Variants in WDR11 observed in about 807,000 individuals in gnomAD.
WDR11 encodes the protein WD repeat domain 11, also known as WD repeat-containing protein 11.
Under a neutral mutation model 151.2 loss-of-function variants are expected in WDR11, and 83 were observed. The observed-to-expected ratio is 0.55, with a 90% confidence interval of 0.46 to 0.66. The LOEUF (loss-of-function observed/expected upper bound fraction) is 0.66. Among genes scored for constraint, WDR11 ranks in the 30% least tolerant of loss-of-function variants. The pLI is 0.00. For synonymous variants in WDR11, 484 were observed against 533.1 expected (o/e 0.91, Z 1.27); for missense variants, 1,301 against 1,480.9 (o/e 0.88, Z 1.99).
intron 1 of WDR11, chr10:120,851,957 C>T (rs1845791237): frequency 4.2e-6 from 1 of 237,122 alleles, no homozygotes; most frequent in Non-Finnish European, 8.4e-6. Flanking sequence ...TCCTTTTCAC[C>T]TCTTTTCGGG....
chr10:120,900,159 T>G (rs1475645573), intron 20 of WDR11, 22 bp downstream of exon 20: 3 of 1,591,088 alleles, frequency 1.9e-6, no homozygotes, highest in Non-Finnish European at 2.6e-6. Flanking sequence ...ACTTTTCTTT[T>G]TCTTTCATAA....
chr10:120,902,536 A>G (rs1004223496), intron 22 of WDR11, among the ~76,000 whole-genome samples: 1 of 152,162 alleles, frequency 6.6e-6, no homozygotes, highest in Non-Finnish European at 1.5e-5. Flanking sequence ...TCTGGAAAGC[A>G]CTTCCTCCTA....
intron 5 of WDR11, among the ~76,000 whole-genome samples, chr10:120,863,669 A>C (rs1190282999): frequency 6.6e-6 from 1 of 151,408 alleles, no homozygotes; most frequent in Non-Finnish European, 1.5e-5. Context: ...TTGCTTTGGC[A>C]GGCTTTTTTG....
At position 120,900,090 on chromosome 10, in the gene WDR11, A is replaced by G. The variant is rs745379310; in HGVS notation, c.2577A>G (p.Leu859=). 4.3e-6 allele frequency: 7 copies of G among 1,613,988 alleles called. No individual in the cohort carries two copies. The highest frequency in any genetic ancestry group is 1.7e-4 in the Middle Eastern group (1 of 6,060). The change falls in exon 20 of 29, where the codon TTA becomes TTG. Residue 859 remains leucine (L), a synonymous_variant. Transcript: ENST00000263461. ...PRASLALKAF[L]LHQPWNGQYS... Reference sequence around the variant, plus strand: ...CCTCTCTTGCCTTGAAAGCCTTCTTATTACACCAGCCTTGGAATGGACAGT... The same window carrying G: ...CCTCTCTTGCCTTGAAAGCCTTCTTGTTACACCAGCCTTGGAATGGACAGT...
At chr10:120,905,763 C>G in intron 26 of WDR11, 113 bp from the exon 27 acceptor site, 1 of 1,586,116 alleles carries the variant, frequency 6.3e-7, no homozygotes, top group Non-Finnish European at 8.6e-7. Context: ...GTGTGCTAGT[C>G]AAGCAGAGCA....
chr10:120,864,874 A>C (rs1334646543), intron 5 of WDR11, among the ~76,000 whole-genome samples, 173 bp from the exon 6 acceptor site: 2 of 152,150 alleles, frequency 1.3e-5, no homozygotes, highest in African/African-American at 4.8e-5. Flanking sequence ...TAGCATTTGG[A>C]TTTTGGTACA....
chr10:120,898,412 G>C (rs1847690224), intron 19 of WDR11, among the ~76,000 whole-genome samples: 1 of 152,170 alleles, frequency 6.6e-6, no homozygotes, highest in Non-Finnish European at 1.5e-5. Context: ...CACTTTTTAA[G>C]TTTAAATTAG....
intron 9 of WDR11, 128 bp downstream of exon 9, chr10:120,867,297 C>G: frequency 1.4e-6 from 1 of 734,048 alleles, no homozygotes; most frequent in Middle Eastern, 3.2e-4. Context: ...AACATGGAAT[C>G]ATTCTTTCCT....
At chr10:120,903,468 C>A (rs1037050953) in intron 23 of WDR11, among the ~76,000 whole-genome samples, 2 of 151,084 alleles carry the variant, frequency 1.3e-5, no homozygotes, top group African/African-American at 4.9e-5. Flanking sequence ...TGAGATCACG[C>A]CACTGCATTC....
At chr10:120,882,835 T>C (rs1025258632) in intron 13 of WDR11, among the ~76,000 whole-genome samples, 1 of 152,116 alleles carries the variant, frequency 6.6e-6, no homozygotes. Flanking sequence ...GTCATGCTTA[T>C]CTTTTGTTCT....
chr10:120,883,752 G>A (rs781292396), intron 13 of WDR11, 28 bp from the exon 14 acceptor site: 1 of 1,607,392 alleles, frequency 6.2e-7, no homozygotes, highest in Admixed American at 1.7e-5. Context: ...GCAAAAAGGG[G>A]CTTATTTAGT....
At chr10:120,896,505 A>G (rs1847620015) in intron 19 of WDR11, among the ~76,000 whole-genome samples, 1 of 152,228 alleles carries the variant, frequency 6.6e-6, no homozygotes, top group Admixed American at 6.5e-5. Flanking sequence ...CAAACTGTGT[A>G]ACAACAATAT....
intron 23 of WDR11, among the ~76,000 whole-genome samples, chr10:120,903,592 C>T (rs1244109035): frequency 1.3e-5 from 2 of 151,466 alleles, no homozygotes; most frequent in Non-Finnish European, 2.9e-5. Context: ...TTGAAAAGCT[C>T]ATAGACAGTT....
chr10:120,908,468 G>T, intron 28 of WDR11, 88 bp from the exon 29 acceptor site: 1 of 1,427,346 alleles, frequency 7.0e-7, no homozygotes, highest in Admixed American at 1.7e-5. Context: ...CAGCAGAGCA[G>T]ACGCGACTCA....
chr10:120,908,384 C>T lies in WDR11; in HGVS notation c.3518-172C>T, dbSNP rs969146117. ...CATGGCCTACTATGGCCGGGAATCA[C>T]CCTCTGCCCGCGAAAAGTCTCCTGT... On this transcript the variant is annotated intron_variant, in intron 28 of 28. Coordinates refer to ENST00000263461, the MANE Select transcript of WDR11 (RefSeq NM_018117.12). 4.4e-6 allele frequency: 3 copies of T among 681,034 alleles called. No individual in the cohort carries two copies. In the African/African-American group the frequency reaches 5.3e-5, roughly 12 times the overall value. The allele number at this position is 681,034 out of a possible 1,614,324, so 42.2% of individuals were successfully genotyped here.
At chr10:120,886,899 TG>T in intron 16 of WDR11, 63 bp downstream of exon 16, 1 of 1,575,920 alleles carries the variant, frequency 6.3e-7, no homozygotes, top group Non-Finnish European at 8.7e-7. Flanking sequence ...CCATATCCAG[TG>T]AAGGCATAGT....
chr10:120,867,796 G>A (rs558674504), intron 9 of WDR11, among the ~76,000 whole-genome samples: 1 of 152,168 alleles, frequency 6.6e-6, no homozygotes, highest in East Asian at 1.9e-4. Context: ...ATTTACTGAA[G>A]GAATAAAGTA....
chr10:120,855,605 GT>G (rs1266320614), intron 2 of WDR11, among the ~76,000 whole-genome samples: 2 of 150,506 alleles, frequency 1.3e-5, no homozygotes, highest in East Asian at 3.9e-4. Flanking sequence ...ATATACCTTT[GT>G]TTTTTTCTTA....
intron 19 of WDR11, among the ~76,000 whole-genome samples, chr10:120,898,618 A>G (rs1366834873): frequency 6.6e-6 from 1 of 152,150 alleles, no homozygotes; most frequent in Non-Finnish European, 1.5e-5. Context: ...TGATTGGATC[A>G]TGGGGGCAGA....
Sources: gnomAD v4.1 joint callset for allele counts (sites outside exome capture counted in the v4.1 genomes callset) on GRCh38, gnomAD v4.1.1 for gene constraint, MANE v1.5 for transcripts, NCBI Gene and HGNC (gene_info 2026-07-23, HGNC 2026-07-21) for gene names.